Variants in FGF13 observed in about 807,000 individuals in gnomAD.
The protein encoded by FGF13 is fibroblast growth factor homologous factor 2.
In FGF13, 2 loss-of-function variants were observed where a neutral mutation model predicts 19.5. That is an observed-to-expected ratio of 0.10 (90% CI 0.04 to 0.32). The LOEUF (loss-of-function observed/expected upper bound fraction) is 0.32, where lower values mean the gene tolerates loss of function less well. FGF13 is among the 10% of genes least tolerant of loss of function. The probability of loss-of-function intolerance (pLI) is 1.00; values close to 1 mark genes in which losing one functional copy is unlikely to be tolerated. For synonymous variants in FGF13, 72 were observed against 76.9 expected, an observed-to-expected ratio of 0.94 and a Z score of 0.33; for missense variants, 113 against 192.7, an observed-to-expected ratio of 0.59 and a Z score of 2.45.
intron 1 of FGF13, among the ~76,000 whole-genome samples, chrX:139,003,938 A>G (rs1429750586): frequency 8.9e-6 from 1 of 112,805 alleles, no homozygotes; most frequent in Non-Finnish European, 1.9e-5. Context: ...CGTCCCCACC[A>G]GACTCAGGAG....
intron 1 of FGF13, among the ~76,000 whole-genome samples, chrX:139,055,575 G>C (rs983846292): frequency 3.6e-5 from 4 of 112,426 alleles, no homozygotes; most frequent in Admixed American, 1.9e-4. Flanking sequence ...TATAGTTTCT[G>C]CTGTTAATCG....
At chrX:139,160,962 G>A (rs780886826) in intron 1 of FGF13, among the ~76,000 whole-genome samples, 68 of 111,251 alleles carry the variant, frequency 6.1e-4, no homozygotes, top group Admixed American at 3.0e-3. Context: ...TCCAAACAAC[G>A]GAAAAAGAGG....
At chrX:138,638,254 A>G (rs1172940112) in intron 3 of FGF13, among the ~76,000 whole-genome samples, 3 of 111,941 alleles carry the variant, frequency 2.7e-5, no homozygotes, top group African/African-American at 9.8e-5. Context: ...ATTCTCCACA[A>G]TTCAGTCACT....
At chrX:139,177,238 C>CT (rs35867493) in intron 1 of FGF13, among the ~76,000 whole-genome samples, 685 of 49,898 alleles carry the variant, frequency 0.014, 43 homozygotes, top group African/African-American at 0.055. Flanking sequence ...GCAACCCCTG[C>CT]TTTTTTTTTT....
chrX:139,026,904 C>G (rs2092203200), intron 1 of FGF13, among the ~76,000 whole-genome samples: 1 of 112,087 alleles, frequency 8.9e-6, no homozygotes, highest in Non-Finnish European at 1.9e-5. Flanking sequence ...GGACTGGATA[C>G]TAACTTTTAC....
chrX:139,152,342 G>A (rs915597163), intron 1 of FGF13, among the ~76,000 whole-genome samples: 1 of 98,544 alleles, frequency 1.0e-5, no homozygotes, highest in Non-Finnish European at 2.2e-5. Context: ...AAAAAACGAC[G>A]AGGCCAGTAT....
intron 3 of FGF13, among the ~76,000 whole-genome samples, chrX:138,757,501 CTGAAGGA>C (rs1256564483): frequency 9.0e-6 from 1 of 110,619 alleles, no homozygotes; most frequent in Admixed American, 9.6e-5. Flanking sequence ...AGTCAAAGGC[CTGAAGGA>C]AGAGCTAGCT....
At position 138,627,237 on chromosome X, in the gene FGF13, T is replaced by C. The variant is rs919635512; in HGVS notation, c.*5613A>G. ...GACAGTATTTAAGGTCATAAATATC[T>C]ACTGTGCCAACAAGCTGAGTGATTG... On this transcript the variant is annotated 3_prime_UTR_variant, in exon 5 of 5. Transcript: ENST00000315930. The C allele has an allele frequency of 8.9e-6, 1 of 111,841 alleles. No individual in the cohort carries two copies. The highest frequency in any genetic ancestry group is 3.3e-5 in the African/African-American group (1 of 30,760). The allele number at this position is 111,841 out of a possible 1,213,427, so 9.2% of individuals were successfully genotyped here. A position where few individuals can be genotyped will look rare whatever the true frequency, so the allele number is the denominator to read the frequency against.
At chrX:139,085,609 A>G (rs2083398788) in intron 1 of FGF13, among the ~76,000 whole-genome samples, 1 of 112,088 alleles carries the variant, frequency 8.9e-6, no homozygotes, top group African/African-American at 3.2e-5. Flanking sequence ...CATTATCATC[A>G]TGAGCAAAGG....
intron 1 of FGF13, among the ~76,000 whole-genome samples, chrX:138,896,430 C>A (rs1337184077): frequency 9.0e-6 from 1 of 111,335 alleles, no homozygotes; most frequent in Non-Finnish European, 1.9e-5. Context: ...TTTCTTTCAC[C>A]AACCAGTCTC....
chrX:138,961,048 C>T (rs188872295), intron 1 of FGF13, among the ~76,000 whole-genome samples: 34 of 111,310 alleles, frequency 3.1e-4, no homozygotes, highest in African/African-American at 1.0e-3. Context: ...AGCTCTGTTC[C>T]ATTGCTGGTG....
At chrX:138,999,579 A>C (rs1434210872) in intron 1 of FGF13, among the ~76,000 whole-genome samples, 1 of 112,296 alleles carries the variant, frequency 8.9e-6, no homozygotes, top group East Asian at 2.8e-4. Context: ...TAAACTAGAA[A>C]AACTAGAAGA....
At chrX:138,908,412 A>C (rs1478408536) in intron 1 of FGF13, among the ~76,000 whole-genome samples, 1 of 106,041 alleles carries the variant, frequency 9.4e-6, no homozygotes, top group Admixed American at 1.0e-4. Context: ...ATTTTATCTA[A>C]TGAGCATGTA....
At chrX:139,029,406 C>T (rs1027652692) in intron 1 of FGF13, among the ~76,000 whole-genome samples, 13 of 111,631 alleles carry the variant, frequency 1.2e-4, no homozygotes, top group Admixed American at 1.0e-3. Flanking sequence ...GTTTTACACC[C>T]GTAATATATC....
rs140650995 is a variant in FGF13 at position 139,101,294 on chromosome X, C to T, written c.-113+102122G>A. Among the ~76,000 whole-genome samples the T allele has an allele frequency of 8.0e-3, 903 of 112,186 alleles. 10 individuals are homozygous for T. Among genetic ancestry groups the T allele is most frequent in the African/African-American group, 0.027 (844 of 30,874 alleles). On this transcript the variant is annotated intron_variant, in intron 1 of 2. Transcript: ENST00000421460. The stretch of plus-strand genomic sequence containing the variant: ...CCACAGATTATTAATATTATGGTTT[C>T]GTTAGAAATCAATAAATCTACTTTT...
chrX:138,646,669 T>C (rs1284977289), intron 3 of FGF13, among the ~76,000 whole-genome samples: 1 of 112,228 alleles, frequency 8.9e-6, no homozygotes, highest in African/African-American at 3.2e-5. Flanking sequence ...GGGTTTTTTA[T>C]TTCCAGTGAA....
intron 1 of FGF13, among the ~76,000 whole-genome samples, chrX:139,181,309 T>C (rs148369126): frequency 0.024 from 2,677 of 112,553 alleles, 30 homozygotes; most frequent in Middle Eastern, 0.046. Context: ...GATCTCAGTC[T>C]AGCTGGAGTA....
At position 138,737,910 on chromosome X, in the gene FGF13, C is replaced by T. The variant is rs1214094332; in HGVS notation, c.28+1332G>A. ...TAGAGACATGAATTGTGGAAATAAT[C>T]AGAAAATTAAATGTTGAACTAATCT... On this transcript the variant is annotated intron_variant, in intron 1 of 4. Coordinates refer to the FGF13 transcript ENST00000305414. Among the ~76,000 whole-genome samples the T allele has an allele frequency of 1.9e-4, 21 of 112,436 alleles. No homozygotes were observed. In the Admixed American group the frequency reaches 2.0e-3, roughly 11 times the overall value.
At chrX:138,872,713 C>T (rs192549053) in intron 1 of FGF13, among the ~76,000 whole-genome samples, 3 of 112,074 alleles carry the variant, frequency 2.7e-5, no homozygotes, top group Admixed American at 1.9e-4. Context: ...TCCCTCTGGC[C>T]CATGATTCAC....
Sources: allele counts gnomAD v4.1 joint callset (sites outside exome capture counted in the v4.1 genomes callset), GRCh38; gene constraint gnomAD v4.1.1; transcripts MANE v1.5; gene names NCBI Gene and HGNC (gene_info 2026-07-23, HGNC 2026-07-21).